Variants in CRB1 observed in about 807,000 individuals in gnomAD.
The protein encoded by CRB1 is protein crumbs homolog 1.
CRB1 carries 83 observed loss-of-function variants against 120.0 expected under a neutral mutation model. The observed-to-expected ratio is 0.69, with a 90% CI of 0.58 to 0.83. CRB1 has a LOEUF of 0.83. Ranked by LOEUF, CRB1 falls within the 40% of genes least tolerant of loss-of-function variation. The pLI is 0.00. For synonymous variants in CRB1, 625 were observed against 612.5 expected (o/e 1.02, Z -0.30); for missense variants, 1,699 against 1,687.6 (o/e 1.01, Z -0.12).
At chr1:197,424,106 TC>T (rs1348624234) in intron 6 of CRB1, among the ~76,000 whole-genome samples, 2 of 152,188 alleles carry the variant, frequency 1.3e-5, no homozygotes, top group African/African-American at 4.8e-5. Flanking sequence ...AATTTTATTC[TC>T]TTAGAATTAT....
At chr1:197,438,832 A>G in intron 10 of CRB1, 157 bp downstream of exon 10, 2 of 839,042 alleles carry the variant, frequency 2.4e-6, no homozygotes, top group Non-Finnish European at 3.6e-6. Context: ...AAAAAAGAAG[A>G]AAAACTACAG....
At chr1:197,449,517 C>A (rs1156962148) in intron 11 of CRB1, among the ~76,000 whole-genome samples, 2 of 152,106 alleles carry the variant, frequency 1.3e-5, no homozygotes, top group African/African-American at 2.4e-5. Context: ...CAGGCGCCGG[C>A]CACCACGCCC....
chr1:197,341,407 A>G (rs1659451128), intron 2 of CRB1, among the ~76,000 whole-genome samples: 1 of 152,002 alleles, frequency 6.6e-6, no homozygotes, highest in African/African-American at 2.4e-5. Context: ...GCCAAGCATG[A>G]TGGCATGCGC....
the CRB1 span, among the ~76,000 whole-genome samples, chr1:197,260,845 C>T: frequency 2.0e-5 from 3 of 152,132 alleles, no homozygotes; most frequent in South Asian, 6.2e-4. Flanking sequence ...GACAGGTGTG[C>T]ATGACCACGC....
At chr1:197,289,832 T>A (rs2125235408) in intron 1 of CRB1, among the ~76,000 whole-genome samples, 1 of 151,778 alleles carries the variant, frequency 6.6e-6, no homozygotes, top group East Asian at 1.9e-4. Context: ...TTTTATATAA[T>A]GTGCTTTATT....
At chr1:197,244,712 G>A in the CRB1 span, among the ~76,000 whole-genome samples, 1 of 151,628 alleles carries the variant, frequency 6.6e-6, no homozygotes, top group Non-Finnish European at 1.5e-5. Context: ...TTTCCAAATT[G>A]TGATGCTTCC....
chr1:197,426,042 G>T (rs1664564730), intron 6 of CRB1, among the ~76,000 whole-genome samples: 1 of 151,278 alleles, frequency 6.6e-6, no homozygotes, highest in Non-Finnish European at 1.5e-5. Context: ...ATCCAAAAAG[G>T]CATCTCAAAT....
At position 197,459,993 on chromosome 1, in the gene CRB1, G is replaced by T. The variant is rs1199694818; in HGVS notation, c.4006-17671G>T. ...GTTTTGTTAGTAAGTCTTGCTTTAA[G>T]CCCCCCTCTTTTTTTTTTTTTTTTT... On this transcript the variant is annotated intron_variant, in intron 11 of 11. Transcript: ENST00000367400. Among the ~76,000 whole-genome samples, 10 of 99,438 alleles carry T rather than the reference G, an allele frequency of 1.0e-4. No homozygotes were observed. The East Asian group carries it at 3.8e-3, about 38-fold the overall frequency. The allele number at this position is 99,438 out of a possible 152,430, so 65.2% of individuals were successfully genotyped here. A position where few individuals can be genotyped will look rare whatever the true frequency, so the allele number is the denominator to read the frequency against.
chr1:197,387,680 T>C (rs929802097), intron 5 of CRB1, among the ~76,000 whole-genome samples: 4 of 152,078 alleles, frequency 2.6e-5, no homozygotes, highest in African/African-American at 9.7e-5. Context: ...CTACAATTTT[T>C]TATTGGGTGC....
At position 197,304,322 on chromosome 1, in the gene CRB1, A is replaced by T. The variant is rs535836467; in HGVS notation, c.71-24100A>T. 1.4e-3 allele frequency: 1,020 copies of T among 733,364 alleles called. 1 individual carries two copies. Among genetic ancestry groups the T allele is most frequent in the Non-Finnish European group, 1.6e-3 (955 of 599,730 alleles). The allele number at this position is 733,364 out of a possible 1,614,324, so 45.4% of individuals were successfully genotyped here. ...GATTTTCTAATGGTTACATTTTAAA[A>T]TATATTGATTTTGATTTTGAATAAC... On this transcript the variant is annotated intron_variant, in intron 1 of 11. Transcript: ENST00000367400.
chr1:197,319,665 TTC>T (rs1658075297), intron 1 of CRB1, among the ~76,000 whole-genome samples: 1 of 152,094 alleles, frequency 6.6e-6, no homozygotes, highest in Admixed American at 6.6e-5. Flanking sequence ...ATTTCTCTCT[TTC>T]TTTTTTTTTC....
At chr1:197,458,938 G>A (rs1475587103) in intron 11 of CRB1, among the ~76,000 whole-genome samples, 1 of 152,018 alleles carries the variant, frequency 6.6e-6, no homozygotes, top group Non-Finnish European at 1.5e-5. Flanking sequence ...AAGAGGGAAA[G>A]TTTTCATGGA....
At chr1:197,225,344 G>A in the CRB1 span, among the ~76,000 whole-genome samples, 2 of 152,218 alleles carry the variant, frequency 1.3e-5, no homozygotes, top group Non-Finnish European at 2.9e-5. Context: ...CATCAAATAT[G>A]TATTTGTGTT....
At chr1:197,275,815 T>G (rs1655176645) in intron 1 of CRB1, among the ~76,000 whole-genome samples, 1 of 152,044 alleles carries the variant, frequency 6.6e-6, no homozygotes, top group African/African-American at 2.4e-5. Context: ...CTTTCCTTTA[T>G]TATTGATTCA....
At chr1:197,289,922 G>T (rs1456460130) in intron 1 of CRB1, among the ~76,000 whole-genome samples, 1 of 151,232 alleles carries the variant, frequency 6.6e-6, no homozygotes, top group African/African-American at 2.4e-5. Context: ...TATATCTTAT[G>T]TAGATGATTA....
Position 197,429,515 on chromosome 1 carries a change from G to C in CRB1, c.2743G>C (p.Ala915Pro). 6.2e-7 allele frequency: 1 copy of C among 1,613,896 alleles called. No homozygotes were observed. Among genetic ancestry groups the C allele is most frequent in the Non-Finnish European group, 8.5e-7 (1 of 1,179,920 alleles). Residue 915 changes from alanine (A) to proline (P), a missense_variant, in exon 8 of 12, where the codon GCC (alanine) becomes CCC (proline). Physicochemically the swap from Ala to Pro is conservative, Grantham distance 27 (BLOSUM62 -1). Coordinates refer to ENST00000367400, the MANE Select transcript of CRB1 (RefSeq NM_201253.3). ...GGATGACTTCTCCTGTTCCTGTCCTGCCCTCACAAGTGGGAAAGCCTGTGA... is the reference window on the plus strand; with the variant it reads ...GGATGACTTCTCCTGTTCCTGTCCTCCCCTCACAAGTGGGAAAGCCTGTGA... ...RWDDFSCSCP[A>P]LTSGKACEEV...
intron 7 of CRB1, chr1:197,429,004 G>A (rs1415157032): frequency 1.3e-6 from 2 of 1,526,514 alleles, no homozygotes; most frequent in South Asian, 2.4e-5. Context: ...GGCACTCACT[G>A]AGTTGGGATC....
intron 11 of CRB1, among the ~76,000 whole-genome samples, chr1:197,476,642 G>A (rs1450782423): frequency 6.6e-6 from 1 of 151,782 alleles, no homozygotes; most frequent in Non-Finnish European, 1.5e-5. Context: ...CAAGACACAG[G>A]GGACAATAAA....
Position 197,421,341 on chromosome 1 carries a change from G to T in CRB1, c.1513G>T (p.Gly505Cys). Residue 505 changes from glycine (G) to cysteine (C), a missense_variant, in exon 6 of 12, where the codon GGC becomes TGC. Gly to Cys is a radical substitution (Grantham distance 159, BLOSUM62 -3). Coordinates refer to ENST00000367400, the MANE Select transcript of CRB1 (RefSeq NM_201253.3). Reference sequence around the variant, plus strand: ...CAAAAGTGGCTCAGTGACAACCAAGGGCTCAGTTTGTAACATAGCCCTCAG... The same window carrying T: ...CAAAAGTGGCTCAGTGACAACCAAGTGCTCAGTTTGTAACATAGCCCTCAG... The part of the protein sequence containing the change: ...WVKSGSVTTK[G>C]SVCNIALRFQ... 2 of 1,614,138 alleles carry T rather than the reference G, an allele frequency of 1.2e-6. No homozygotes were observed. Among genetic ancestry groups the T allele is most frequent in the Non-Finnish European group, 1.7e-6 (2 of 1,180,020 alleles).
Sources: allele counts gnomAD v4.1 joint callset (sites outside exome capture counted in the v4.1 genomes callset), GRCh38; gene constraint gnomAD v4.1.1; transcripts MANE v1.5; gene names NCBI Gene and HGNC (gene_info 2026-07-23, HGNC 2026-07-21).